AFF3: variants seen among roughly 807,000 people sequenced by gnomAD.
AFF3 encodes AF4/FMR2 family member 3.
A neutral mutation model predicts 129.7 loss-of-function variants in AFF3; 32 were observed. The ratio of observed to expected loss-of-function variants is 0.25; its 90% CI spans 0.19 to 0.33. The LOEUF (loss-of-function observed/expected upper bound fraction) is 0.33, where lower values mean the gene tolerates loss of function less well. Among genes scored for constraint, AFF3 ranks in the 10% least tolerant of loss-of-function variants. AFF3 has a pLI of 1.00. For synonymous variants in AFF3, 644 were observed against 635.4 expected, an observed-to-expected ratio of 1.01 and a Z score of -0.20; for missense variants, 1,373 against 1,592.0, an observed-to-expected ratio of 0.86 and a Z score of 2.34.
At chr2:99,772,028 G>T (rs1683530376) in intron 8 of AFF3, among the ~76,000 whole-genome samples, 1 of 152,200 alleles carries the variant, frequency 6.6e-6, no homozygotes, top group African/African-American at 2.4e-5. Context: ...CAATCGACAT[G>T]CGGTATTCCT....
chr2:99,718,974 A>G (rs1678630704), intron 11 of AFF3, among the ~76,000 whole-genome samples: 1 of 148,986 alleles, frequency 6.7e-6, no homozygotes, highest in East Asian at 2.0e-4. Context: ...GATGGTCTTG[A>G]TCTCCTGACC....
intron 4 of AFF3, among the ~76,000 whole-genome samples, chr2:100,058,619 A>C (rs539484758): frequency 8.9e-4 from 135 of 152,250 alleles, no homozygotes; most frequent in African/African-American, 3.2e-3. Flanking sequence ...AGCCTCTACC[A>C]AAATTACATA....
At chr2:99,560,466 T>C in intron 20 of AFF3, 30 bp from the exon 21 acceptor site, 1 of 1,586,432 alleles carries the variant, frequency 6.3e-7, no homozygotes, top group Non-Finnish European at 8.6e-7. Context: ...AGGAATAGAA[T>C]AAAAAACATA....
intron 7 of AFF3, among the ~76,000 whole-genome samples, chr2:100,000,259 A>T (rs1681256416): frequency 6.6e-6 from 1 of 152,184 alleles, no homozygotes; most frequent in Non-Finnish European, 1.5e-5. Context: ...TTTAATTGGG[A>T]ATAAAGCTCT....
intron 8 of AFF3, among the ~76,000 whole-genome samples, chr2:99,795,387 G>A (rs1290631066): frequency 1.3e-5 from 2 of 152,134 alleles, no homozygotes; most frequent in Non-Finnish European, 2.9e-5. Flanking sequence ...GGACTCAGAA[G>A]GGCAATGGCT....
chr2:99,839,261 C>T (rs1689126575), intron 7 of AFF3, among the ~76,000 whole-genome samples: 1 of 152,142 alleles, frequency 6.6e-6, no homozygotes, highest in African/African-American at 2.4e-5. Flanking sequence ...AGGCTCCCAC[C>T]ACCATGCCCA....
In AFF3 at chr2:100,051,988, A is replaced by G. The variant is rs17023450; in HGVS notation, c.54-43056T>C. Among the ~76,000 whole-genome samples the G allele has an allele frequency of 9.0e-3, 1,375 of 152,314 alleles. 22 individuals are homozygous for G. Among genetic ancestry groups the G allele is most frequent in the African/African-American group, 0.031 (1,303 of 41,552 alleles). On this transcript the variant is annotated intron_variant, in intron 4 of 24. Coordinates refer to ENST00000672756, the MANE Select transcript of AFF3 (RefSeq NM_001386135.1). Reference sequence around the variant, plus strand: ...TCTTCAAGACCTGAGATGCATTCAAAAAACACAAATGGATTTTCAAAGGGC... The same window carrying G: ...TCTTCAAGACCTGAGATGCATTCAAGAAACACAAATGGATTTTCAAAGGGC...
At chr2:100,020,072 C>T (rs1166615540) in intron 4 of AFF3, among the ~76,000 whole-genome samples, 1 of 152,186 alleles carries the variant, frequency 6.6e-6, no homozygotes, top group African/African-American at 2.4e-5. Flanking sequence ...TTCTGCAAAG[C>T]TGTCTATACT....
intron 8 of AFF3, among the ~76,000 whole-genome samples, chr2:99,806,181 G>A (rs1271823146): frequency 1.3e-5 from 2 of 152,164 alleles, no homozygotes; most frequent in Non-Finnish European, 2.9e-5. Flanking sequence ...TTCTAGGGTA[G>A]TCCAATTTCA....
chr2:100,107,039 G>T (rs1691334608), intron 2 of AFF3: 2 of 985,312 alleles, frequency 2.0e-6, no homozygotes, highest in Non-Finnish European at 2.4e-6. Context: ...TGCAAGGCGG[G>T]TATTTAAAAA....
At chr2:99,644,878 A>T (rs559958730) in intron 13 of AFF3, among the ~76,000 whole-genome samples, 2 of 152,206 alleles carry the variant, frequency 1.3e-5, no homozygotes, top group Non-Finnish European at 2.9e-5. Flanking sequence ...ATCCACCTTT[A>T]TCCTGTTTGT....
At chr2:100,011,497 CT>C in intron 4 of AFF3, 1 of 780,994 alleles carries the variant, frequency 1.3e-6, no homozygotes, top group South Asian at 1.3e-5. Context: ...AAAATAATAC[CT>C]CCTGCATCTG....
intron 7 of AFF3, among the ~76,000 whole-genome samples, chr2:99,966,213 G>T (rs1416096626): frequency 1.3e-5 from 2 of 152,084 alleles, no homozygotes; most frequent in Non-Finnish European, 2.9e-5. Flanking sequence ...CAGGTAAAAA[G>T]CAACTAAATT....
intron 4 of AFF3, among the ~76,000 whole-genome samples, chr2:100,009,172 G>T (rs184403561): frequency 6.6e-6 from 1 of 152,294 alleles, no homozygotes; most frequent in Admixed American, 6.5e-5. Flanking sequence ...TCTCTTCCTG[G>T]TATGTGAAAG....
chr2:99,942,550 G>A (rs1381745842), intron 7 of AFF3, among the ~76,000 whole-genome samples: 15 of 106,992 alleles, frequency 1.4e-4, no homozygotes, highest in African/African-American at 4.9e-4. Flanking sequence ...GGAGGGGCGG[G>A]GGGGGGGTCG....
At chr2:99,587,540 A>C (rs1350438829) in intron 15 of AFF3, among the ~76,000 whole-genome samples, 1 of 152,190 alleles carries the variant, frequency 6.6e-6, no homozygotes, top group Non-Finnish European at 1.5e-5. Context: ...GAATTCTGAA[A>C]GCTGCTCTGC....
chr2:99,567,102 G>T (rs1294096846), intron 19 of AFF3, among the ~76,000 whole-genome samples: 3 of 151,072 alleles, frequency 2.0e-5, no homozygotes, highest in Non-Finnish European at 4.4e-5. Context: ...CAAGTAGCTG[G>T]GATTACAGGT....
Position 99,582,924 on chromosome 2 carries a change from G to A in AFF3, c.2667C>T (p.His889=), listed in dbSNP as rs117712488. The part of the protein sequence containing the change: ...PISPLSDASK[H]KYTSEDLTSS... ...AAGTTAAGTCCTCGCTGGTGTATTT[G>A]TGTTTAGATGCATCAGAGAGGGGTG... The change falls in exon 17 of 25, where the codon CAC becomes CAT. Residue 889 remains histidine (H), a synonymous_variant. Transcript: ENST00000672756. The A allele has an allele frequency of 2.5e-6, 4 of 1,614,112 alleles. No individual in the cohort carries two copies. Among genetic ancestry groups the A allele is most frequent in the Admixed American group, 3.3e-5 (2 of 60,016 alleles).
chr2:99,806,144 G>C (rs968333364), intron 8 of AFF3, among the ~76,000 whole-genome samples: 1 of 152,066 alleles, frequency 6.6e-6, no homozygotes, highest in East Asian at 1.9e-4. Context: ...AATAAGGTTC[G>C]CATTTGTCAG....
Sources: allele counts gnomAD v4.1 joint callset (sites outside exome capture counted in the v4.1 genomes callset), GRCh38; gene constraint gnomAD v4.1.1; transcripts MANE v1.5; gene names NCBI Gene and HGNC (gene_info 2026-07-23, HGNC 2026-07-21).